The following SLC6A12 variants were observed in gnomAD, a reference collection of about 807,000 sequenced individuals.
SLC6A12 encodes the protein solute carrier family 6 member 12, also known as sodium- and chloride-dependent betaine transporter.
Under a neutral mutation model 73.3 loss-of-function variants are expected in SLC6A12, and 50 were observed. The ratio of observed to expected loss-of-function variants is 0.68; its 90% CI spans 0.54 to 0.86. The LOEUF (loss-of-function observed/expected upper bound fraction) is 0.86, where lower values mean the gene tolerates loss of function less well. SLC6A12 is among the 40% of genes least tolerant of loss of function. The pLI is 0.00. For synonymous variants in SLC6A12, 304 were observed against 309.2 expected (o/e 0.98, Z 0.18); for missense variants, 648 against 772.8 (o/e 0.84, Z 1.92).
intron 14 of SLC6A12, 144 bp downstream of exon 14, chr12:193,133 G>A (rs1039042448): frequency 2.7e-5 from 18 of 656,576 alleles, no homozygotes; most frequent in Admixed American, 4.8e-5. Context: ...GAGCAGGGAA[G>A]GCAACATAGA....
At chr12:187,051 G>A (rs1002198990), downstream of SLC6A12, among the ~76,000 whole-genome samples, 4 of 152,198 alleles carry the variant, frequency 2.6e-5, no homozygotes, top group African/African-American at 7.2e-5. Flanking sequence ...GAATATGTGA[G>A]AAAACCAGGT....
downstream of SLC6A12, among the ~76,000 whole-genome samples, chr12:188,881 A>AC (rs534981608): frequency 6.7e-4 from 96 of 143,300 alleles, no homozygotes; most frequent in Middle Eastern, 3.5e-3. Flanking sequence ...CTCCATCCCC[A>AC]CCCCCATCCA....
intron 6 of SLC6A12, chr12:201,308 G>A: frequency 4.8e-6 from 1 of 210,176 alleles, no homozygotes; most frequent in Non-Finnish European, 9.6e-6. Flanking sequence ...CACGTAATGT[G>A]AAGGGGTACG....
intron 3 of SLC6A12, among the ~76,000 whole-genome samples, chr12:207,454 A>T (rs2083013062): frequency 1.3e-5 from 2 of 152,164 alleles, no homozygotes. Flanking sequence ...CCTCTTTTTC[A>T]TAACCAAAGC....
chr12:205,495 C>T lies in SLC6A12; in HGVS notation c.215-797G>A, dbSNP rs755425885. Among the ~76,000 whole-genome samples, 20 of 152,342 alleles carry T rather than the reference C, an allele frequency of 1.3e-4. No homozygotes were observed. The Middle Eastern group carries it at 0.017, about 130-fold the overall frequency. On this transcript the variant is annotated intron_variant, in intron 3 of 15. Coordinates refer to ENST00000684302, the MANE Select transcript of SLC6A12 (RefSeq NM_001122848.3). ...CCCATGGGGCAGGCTCTACTGTTATCCCCATTTTGCAGATAATAAAACTGA... is the reference window on the plus strand; with the variant it reads ...CCCATGGGGCAGGCTCTACTGTTATTCCCATTTTGCAGATAATAAAACTGA...
chr12:186,838 G>C (rs1939440139), downstream of SLC6A12, among the ~76,000 whole-genome samples: 1 of 152,166 alleles, frequency 6.6e-6, no homozygotes, highest in South Asian at 2.1e-4. Flanking sequence ...TGGATGAATA[G>C]CATCATAGGG....
At chr12:187,987 T>C (rs1347732860), downstream of SLC6A12, among the ~76,000 whole-genome samples, 1 of 152,194 alleles carries the variant, frequency 6.6e-6, no homozygotes, top group African/African-American at 2.4e-5. Context: ...TTGGTGTATT[T>C]ACAATCCCTG....
At chr12:206,480 T>C (rs1940650220) in intron 3 of SLC6A12, among the ~76,000 whole-genome samples, 1 of 152,278 alleles carries the variant, frequency 6.6e-6, no homozygotes, top group South Asian at 2.1e-4. Context: ...GTTCATCTGT[T>C]CATGGATATT....
At chr12:211,596 T>C (rs1167830296) in intron 2 of SLC6A12, among the ~76,000 whole-genome samples, 1 of 151,952 alleles carries the variant, frequency 6.6e-6, no homozygotes, top group African/African-American at 2.4e-5. Context: ...AGCCTGGGGA[T>C]GAAAAAATGG....
At chr12:189,338 C>G (rs141436319), downstream of SLC6A12, among the ~76,000 whole-genome samples, 3,038 of 152,308 alleles carry the variant, frequency 0.02, 108 homozygotes, top group South Asian at 0.16. Context: ...GGCCTCGTAA[C>G]TGAGAGCATC....
At chr12:195,175 A>AGAC (rs1939803586) in intron 13 of SLC6A12, 50 bp downstream of exon 13, 1 of 1,200,968 alleles carries the variant, frequency 8.3e-7, no homozygotes, top group Admixed American at 1.7e-5. Context: ...CTGGCTGGCT[A>AGAC]GACGGTCTTT....
At chr12:200,616 C>A in intron 7 of SLC6A12, 35 bp downstream of exon 7, 2 of 1,608,022 alleles carry the variant, frequency 1.2e-6, no homozygotes, top group East Asian at 2.2e-5. Context: ...ACTCTGGGGG[C>A]CAAAGGGAGC....
intron 7 of SLC6A12, among the ~76,000 whole-genome samples, chr12:200,202 G>A (rs376420596): frequency 7.7e-4 from 114 of 147,876 alleles, no homozygotes; most frequent in African/African-American, 2.0e-3. Flanking sequence ...TCCGCCTCCC[G>A]GGTTCACGCC....
chr12:207,664 CA>C (rs1045108833), intron 3 of SLC6A12, among the ~76,000 whole-genome samples: 6 of 151,862 alleles, frequency 4.0e-5, no homozygotes, highest in African/African-American at 1.5e-4. Flanking sequence ...CAGTCTAAAG[CA>C]AAAAAATAAA....
At chr12:188,683 C>CCA (rs56736458), downstream of SLC6A12, among the ~76,000 whole-genome samples, 5 of 151,668 alleles carry the variant, frequency 3.3e-5, no homozygotes, top group Admixed American at 2.0e-4. Context: ...GTATGCACAC[C>CCA]CACACACACA....
At chr12:207,089 G>A (rs141668334) in intron 3 of SLC6A12, among the ~76,000 whole-genome samples, 27 of 152,362 alleles carry the variant, frequency 1.8e-4, no homozygotes, top group Admixed American at 3.9e-4. Flanking sequence ...TCTGGAGCGC[G>A]TTAGGGCGTC....
Position 210,017 on chromosome 12 carries a change from G to T in SLC6A12, c.-31C>A. 6.2e-7 allele frequency: 1 copy of T among 1,610,394 alleles called. No individual in the cohort carries two copies. The highest frequency in any genetic ancestry group is 8.5e-7 in the Non-Finnish European group (1 of 1,177,134). ...TGTGGTGGGTTGGGAAGCCCCGCTG[G>T]GTGGGCAGGATGACGAGGGCCAAAG... is the stretch of plus-strand genomic sequence containing the variant. On this transcript the variant is annotated 5_prime_UTR_variant, in exon 3 of 16. Coordinates refer to ENST00000684302, the MANE Select transcript of SLC6A12 (RefSeq NM_001122848.3).
downstream of SLC6A12, among the ~76,000 whole-genome samples, chr12:188,581 GAGCGAGGGC>G (rs1267685800): frequency 6.6e-6 from 1 of 152,230 alleles, no homozygotes; most frequent in South Asian, 2.1e-4. Flanking sequence ...CGCCGAGAGC[GAGCGAGGGC>G]TGTGAGGGCT....
intron 10 of SLC6A12, among the ~76,000 whole-genome samples, chr12:197,174 C>CATCT (rs1565469145): frequency 3.5e-3 from 42 of 12,064 alleles, no homozygotes; most frequent in Non-Finnish European, 4.8e-3. Context: ...TCCATCCATC[C>CATCT]ATCCATCCAT....
Sources: gnomAD v4.1 joint callset for allele counts (sites outside exome capture counted in the v4.1 genomes callset) on GRCh38, gnomAD v4.1.1 for gene constraint, MANE v1.5 for transcripts, NCBI Gene and HGNC (gene_info 2026-07-23, HGNC 2026-07-21) for gene names.